MAN2A1: variants seen among roughly 807,000 people sequenced by gnomAD.
MAN2A1 encodes mannosidase alpha class 2A member 1.
A neutral mutation model predicts 142.6 loss-of-function variants in MAN2A1; 76 were observed. The ratio of observed to expected loss-of-function variants is 0.53; its 90% CI spans 0.44 to 0.65. The LOEUF (loss-of-function observed/expected upper bound fraction) is 0.65, where lower values mean the gene tolerates loss of function less well. MAN2A1 is among the 30% of genes least tolerant of loss of function. MAN2A1 has a pLI of 0.00. For missense variants in MAN2A1, 1,311 were observed against 1,365.1 expected (o/e 0.96, Z 0.62); for synonymous variants, 559 against 473.2 (o/e 1.18, Z -2.35).
chr5:109,713,553 C>T lies in MAN2A1; in HGVS notation c.169C>T (p.His57Tyr), dbSNP rs144043262. The T allele has an allele frequency of 8.1e-6, 13 of 1,611,776 alleles. No individual in the cohort carries two copies. Among genetic ancestry groups the T allele is most frequent in the African/African-American group, 2.7e-5 (2 of 74,840 alleles). Residue 57 changes from histidine (H) to tyrosine (Y), a missense_variant, in exon 2 of 22, where the codon CAT (histidine) becomes TAT (tyrosine). Physicochemically the swap from His to Tyr is moderately conservative, Grantham distance 83 (BLOSUM62 2). Around this residue, in one of 3 missense-constraint regions of MAN2A1, gnomAD observed 409 missense variants for 412.7 expected, o/e 0.99. Transcript: ENST00000261483. ...CTCAATGTTGCAAGAAAAAATAGAC[C>T]ATTTGGAGCGTTTGCTAGCTGAGAA... ...QLSMLQEKID[H>Y]LERLLAENNE...
chr5:109,774,181 A>T (rs1753221698), intron 7 of MAN2A1, among the ~76,000 whole-genome samples: 1 of 152,190 alleles, frequency 6.6e-6, no homozygotes, highest in Non-Finnish European at 1.5e-5. Flanking sequence ...ACACTGTGAC[A>T]AATACTCAGA....
Position 109,781,518 on chromosome 5 carries a change from A to G in MAN2A1, c.1497A>G (p.Arg499=), listed in dbSNP as rs764247756. Reference sequence around the variant, plus strand: ...GAGATTTTTTCACTTATGCCGATCGAGATGATCATTACTGGAGTGGCTATT... The same window carrying G: ...GAGATTTTTTCACTTATGCCGATCGGGATGATCATTACTGGAGTGGCTATT... ...LSGDFFTYAD[R]DDHYWSGYFT... The change falls in exon 9 of 22, where the codon CGA becomes CGG. Residue 499 remains arginine (R), a synonymous_variant. Transcript: ENST00000261483. The G allele has an allele frequency of 6.2e-7, 1 of 1,613,478 alleles. No individual in the cohort carries two copies. The highest frequency in any genetic ancestry group is 2.2e-5 in the East Asian group (1 of 44,798).
chr5:109,695,062 G>A (rs1582793555), intron 1 of MAN2A1, among the ~76,000 whole-genome samples: 1 of 152,220 alleles, frequency 6.6e-6, no homozygotes, highest in Non-Finnish European at 1.5e-5. Flanking sequence ...AGAGCCTTTT[G>A]AGGATGGTGT....
intron 10 of MAN2A1, among the ~76,000 whole-genome samples, chr5:109,787,804 G>A (rs182645766): frequency 1.3e-5 from 2 of 151,776 alleles, no homozygotes; most frequent in Admixed American, 1.3e-4. Context: ...AACCATATTC[G>A]TATGGTGTTT....
intron 16 of MAN2A1, among the ~76,000 whole-genome samples, chr5:109,827,645 G>T (rs3797678): frequency 1.3e-5 from 2 of 152,076 alleles, no homozygotes; most frequent in East Asian, 1.9e-4. Flanking sequence ...GCAGTTGAAG[G>T]GCTCTCTCTT....
At chr5:109,772,616 C>T (rs1186869669) in intron 7 of MAN2A1, among the ~76,000 whole-genome samples, 2 of 152,096 alleles carry the variant, frequency 1.3e-5, no homozygotes, top group Admixed American at 1.3e-4. Context: ...ATGCAATTCT[C>T]CCACCTCAGC....
chr5:109,770,877 AT>A (rs901800774), intron 7 of MAN2A1, among the ~76,000 whole-genome samples: 29 of 152,166 alleles, frequency 1.9e-4, no homozygotes, highest in Non-Finnish European at 2.9e-5. Flanking sequence ...TCTGGTCCCT[AT>A]TGTACAAATT....
At chr5:109,793,064 G>A (rs2269210) in intron 12 of MAN2A1, among the ~76,000 whole-genome samples, 56,174 of 151,902 alleles carry the variant, frequency 0.37, 11,139 homozygotes, top group African/African-American at 0.52. Flanking sequence ...TTCCTGATGT[G>A]AGGAGCATGT....
chr5:109,843,994 C>T (rs1755282778), intron 17 of MAN2A1, among the ~76,000 whole-genome samples: 1 of 152,036 alleles, frequency 6.6e-6, no homozygotes, highest in Admixed American at 6.6e-5. Context: ...TAAATTTAAA[C>T]TTTTTCCAAA....
Position 109,813,540 on chromosome 5 carries a change from C to G in MAN2A1, c.1944-3733C>G, listed in dbSNP as rs184064962. On this transcript the variant is annotated intron_variant, in intron 12 of 21. Coordinates refer to ENST00000261483, the MANE Select transcript of MAN2A1 (RefSeq NM_002372.4). ...GGTTGCCCCACAGGGGTTGCCCATG[C>G]AGGTCTGAGGACCAGCCCAGGCATG... Among the ~76,000 whole-genome samples, 63 of 152,350 alleles carry G rather than the reference C, an allele frequency of 4.1e-4. 1 individual carries two copies. The highest frequency in any genetic ancestry group is 6.8e-3 in the Middle Eastern group (2 of 294).
At position 109,729,357 on chromosome 5, in the gene MAN2A1, T is replaced by C. The variant is rs1751834514; in HGVS notation, c.551T>C (p.Phe184Ser). 6.2e-7 allele frequency: 1 copy of C among 1,602,198 alleles called. No homozygotes were observed. The highest frequency in any genetic ancestry group is 1.1e-5 in the South Asian group (1 of 88,598). Residue 184 changes from phenylalanine (F) to serine (S), a missense_variant, in exon 4 of 22, where the codon TTC (phenylalanine) becomes TCC (serine). By Grantham distance (155) the Phe-to-Ser change is radical. Coordinates refer to ENST00000261483, the MANE Select transcript of MAN2A1 (RefSeq NM_002372.4). The part of the protein sequence containing the change: ...SHNDPGWLKT[F>S]NDYFRDKTQY... ...CTTGATTTAGGTTGGTTGAAGACTT[T>C]CAATGACTACTTTAGAGACAAGACT...
chr5:109,808,728 G>A (rs1444317306), intron 12 of MAN2A1, among the ~76,000 whole-genome samples: 1 of 134,258 alleles, frequency 7.4e-6, no homozygotes, highest in Non-Finnish European at 1.5e-5. Context: ...TTTTGAGACA[G>A]AGTCTCACCC....
chr5:109,816,548 G>T (rs1754466274), intron 12 of MAN2A1, among the ~76,000 whole-genome samples: 1 of 151,764 alleles, frequency 6.6e-6, no homozygotes, highest in Non-Finnish European at 1.5e-5. Context: ...AAGTCCCATT[G>T]TATATAAAAT....
chr5:109,839,483 G>A lies in MAN2A1; in HGVS notation c.2567-2845G>A, dbSNP rs548260785. On this transcript the variant is annotated intron_variant, in intron 16 of 21. Transcript: ENST00000261483. ...AATGTACATGTGTAGGTAACTGGCA[G>A]GGGTTAGTGGTTCAGACTATGGCCA... 2.3e-3 allele frequency among the ~76,000 whole-genome samples: 352 copies of A among 151,430 alleles called. 2 individuals are homozygous for A. The highest frequency in any genetic ancestry group is 3.5e-3 in the Non-Finnish European group (238 of 67,892).
chr5:109,848,409 C>T (rs1474763851), intron 19 of MAN2A1, among the ~76,000 whole-genome samples: 4 of 152,162 alleles, frequency 2.6e-5, no homozygotes. Flanking sequence ...TAGCCCTGAG[C>T]ATGGGCTTTT....
At chr5:109,830,847 G>T (rs1018510199) in intron 16 of MAN2A1, among the ~76,000 whole-genome samples, 1 of 152,196 alleles carries the variant, frequency 6.6e-6, no homozygotes. Flanking sequence ...TGAAAGAGAA[G>T]GTTATTTTAA....
intron 7 of MAN2A1, 29 bp from the exon 8 acceptor site, chr5:109,774,759 C>T: frequency 1.9e-6 from 3 of 1,551,658 alleles, no homozygotes; most frequent in South Asian, 1.2e-5. Context: ...TTCATATTTG[C>T]TGTTTTTTTG....
At chr5:109,714,547 G>A (rs1751400910) in intron 2 of MAN2A1, among the ~76,000 whole-genome samples, 1 of 152,198 alleles carries the variant, frequency 6.6e-6, no homozygotes, top group Admixed American at 6.5e-5. Context: ...GCATTGGAAA[G>A]GACTTCTGCC....
intron 16 of MAN2A1, among the ~76,000 whole-genome samples, chr5:109,824,628 A>C (rs926088576): frequency 6.6e-6 from 1 of 152,252 alleles, no homozygotes; most frequent in East Asian, 1.9e-4. Flanking sequence ...AGCTAAGTTG[A>C]ACAAATTAGA....
Sources: allele counts gnomAD v4.1 joint callset (sites outside exome capture counted in the v4.1 genomes callset), GRCh38; gene constraint gnomAD v4.1.1; regional missense constraint gnomAD v4.1.1; transcripts MANE v1.5; gene names NCBI Gene and HGNC (gene_info 2026-07-23, HGNC 2026-07-21).